The following RORA variants were observed in gnomAD, a reference collection of about 807,000 sequenced individuals.
RORA encodes the protein RAR related orphan receptor A, also known as nuclear receptor ROR-alpha.
RORA carries 7 observed loss-of-function variants against 69.5 expected under a neutral mutation model. The ratio of observed to expected loss-of-function variants is 0.10; its 90% CI spans 0.06 to 0.19. The LOEUF is 0.19. RORA is among the 10% of genes least tolerant of loss of function. The pLI, the probability that RORA is intolerant of heterozygous loss-of-function variation, is 1.00. For missense variants in RORA, 457 were observed against 663.0 expected, an observed-to-expected ratio of 0.69 and a Z score of 3.41; for synonymous variants, 261 against 240.8, an observed-to-expected ratio of 1.08 and a Z score of -0.78.
At chr15:60,548,259 T>A (rs1484323531) in intron 2 of RORA, among the ~76,000 whole-genome samples, 5 of 152,202 alleles carry the variant, frequency 3.3e-5, no homozygotes, top group African/African-American at 9.6e-5. Flanking sequence ...CTCAGTGGTT[T>A]TGATGCTCTT....
intron 1 of RORA, among the ~76,000 whole-genome samples, chr15:60,854,004 C>T (rs925667591): frequency 6.6e-6 from 1 of 152,168 alleles, no homozygotes; most frequent in Non-Finnish European, 1.5e-5. Context: ...TGGCTTACTC[C>T]TGTAATCCCA....
chr15:60,926,695 A>G lies in RORA; in HGVS notation c.167-248009T>C, dbSNP rs1327198739. On this transcript the variant is annotated intron_variant, in intron 1 of 10. Coordinates refer to ENST00000335670, the MANE Select transcript of RORA (RefSeq NM_134261.3). The stretch of plus-strand genomic sequence containing the variant: ...TTTATAAGAGAAAAGCTGGGAACAA[A>G]CTAAATGTCTATTACTACATATCAG... 2.6e-5 allele frequency among the ~76,000 whole-genome samples: 4 copies of G among 152,348 alleles called. No homozygotes were observed. In the East Asian group the frequency reaches 7.7e-4, roughly 29 times the overall value.
chr15:60,920,326 T>A (rs1485913820), intron 1 of RORA, among the ~76,000 whole-genome samples: 1 of 152,238 alleles, frequency 6.6e-6, no homozygotes, highest in African/African-American at 2.4e-5. Context: ...CATCTTTGTC[T>A]TAAAGAAGCA....
intron 4 of RORA, among the ~76,000 whole-genome samples, chr15:60,512,843 GAAAACA>G (rs2065746159): frequency 6.6e-6 from 1 of 152,124 alleles, no homozygotes; most frequent in Non-Finnish European, 1.5e-5. Flanking sequence ...CAAGATAACT[GAAAACA>G]AAAACACACA....
At chr15:60,980,629 T>G (rs751725021) in intron 1 of RORA, among the ~76,000 whole-genome samples, 14 of 152,262 alleles carry the variant, frequency 9.2e-5, no homozygotes, top group Middle Eastern at 3.4e-3. Flanking sequence ...TCTAGGACTT[T>G]GTCCATTTTA....
At chr15:60,692,321 T>G (rs8024410) in intron 1 of RORA, among the ~76,000 whole-genome samples, 4,899 of 152,312 alleles carry the variant, frequency 0.032, 258 homozygotes, top group African/African-American at 0.11. Context: ...CTGTGAATTT[T>G]GGGTCATTCT....
At chr15:60,693,664 G>A (rs2070862122) in intron 1 of RORA, among the ~76,000 whole-genome samples, 1 of 152,096 alleles carries the variant, frequency 6.6e-6, no homozygotes, top group Admixed American at 6.6e-5. Context: ...CAAGCAGAGA[G>A]CCAAATCATG....
At chr15:60,948,635 G>A (rs758093841) in intron 1 of RORA, among the ~76,000 whole-genome samples, 17 of 152,132 alleles carry the variant, frequency 1.1e-4, no homozygotes, top group Non-Finnish European at 2.4e-4. Context: ...TTTTAAAGAT[G>A]AAAAAACTGA....
At chr15:60,721,777 CA>C (rs1202533088) in intron 1 of RORA, among the ~76,000 whole-genome samples, 1 of 152,190 alleles carries the variant, frequency 6.6e-6, no homozygotes, top group Non-Finnish European at 1.5e-5. Context: ...TTTATGAAAA[CA>C]AAAAGTAAAA....
chr15:61,117,602 G>A (rs1291695683), intron 1 of RORA, among the ~76,000 whole-genome samples: 1 of 152,064 alleles, frequency 6.6e-6, no homozygotes, highest in African/African-American at 2.4e-5. Flanking sequence ...CTATAGAATT[G>A]TTTTGACTGC....
At chr15:60,709,506 G>A (rs1171010283) in intron 1 of RORA, among the ~76,000 whole-genome samples, 1 of 152,094 alleles carries the variant, frequency 6.6e-6, no homozygotes, top group African/African-American at 2.4e-5. Context: ...CAGGAGGTGA[G>A]CCGAGGGTGA....
chr15:61,021,141 T>C (rs532881606), intron 1 of RORA, among the ~76,000 whole-genome samples: 1 of 152,250 alleles, frequency 6.6e-6, no homozygotes, highest in East Asian at 1.9e-4. Flanking sequence ...GTTCCAACGC[T>C]GGGGACGGGA....
chr15:60,795,628 A>G (rs577820000), intron 1 of RORA, among the ~76,000 whole-genome samples: 1 of 152,316 alleles, frequency 6.6e-6, no homozygotes, highest in Non-Finnish European at 1.5e-5. Context: ...CACAACTTCA[A>G]ACAGCTTCCT....
At chr15:60,801,370 T>C (rs1229186347) in intron 1 of RORA, among the ~76,000 whole-genome samples, 1 of 152,182 alleles carries the variant, frequency 6.6e-6, no homozygotes, top group Non-Finnish European at 1.5e-5. Context: ...GCTGCCTTCA[T>C]TTGTTTTAAT....
At position 60,711,231 on chromosome 15, in the gene RORA, T is replaced by C. The variant is rs1219236563; in HGVS notation, c.167-32545A>G. 2.0e-5 allele frequency among the ~76,000 whole-genome samples: 3 copies of C among 152,300 alleles called. No individual in the cohort carries two copies. The East Asian group carries it at 5.8e-4, about 29-fold the overall frequency. On this transcript the variant is annotated intron_variant, in intron 1 of 10. Coordinates refer to ENST00000335670, the MANE Select transcript of RORA (RefSeq NM_134261.3). ...GGCTATGTGTATTTCTCACTTTCCC[T>C]GGAACTAGTCACTCATGGACACTCT...
At chr15:60,796,684 A>G (rs1248062467) in intron 1 of RORA, among the ~76,000 whole-genome samples, 3 of 152,196 alleles carry the variant, frequency 2.0e-5, no homozygotes, top group African/African-American at 7.2e-5. Flanking sequence ...ACTCCTAGGT[A>G]TATACCCAAA....
intron 1 of RORA, among the ~76,000 whole-genome samples, chr15:61,144,929 A>T (rs545751311): frequency 6.6e-5 from 10 of 152,276 alleles, no homozygotes; most frequent in South Asian, 6.2e-4. Flanking sequence ...AGTATATTGA[A>T]TTTTTTATTC....
intron 2 of RORA, among the ~76,000 whole-genome samples, chr15:60,606,501 C>A (rs939385192): frequency 6.6e-6 from 1 of 152,094 alleles, no homozygotes; most frequent in Non-Finnish European, 1.5e-5. Flanking sequence ...TTTTCTAGAA[C>A]ATGAAAGACC....
intron 1 of RORA, among the ~76,000 whole-genome samples, chr15:60,814,711 C>A (rs992042849): frequency 6.6e-6 from 1 of 152,282 alleles, no homozygotes; most frequent in African/African-American, 2.4e-5. Flanking sequence ...CCCTCCCCAC[C>A]TTACCTGGCT....
Sources: allele counts gnomAD v4.1 joint callset (sites outside exome capture counted in the v4.1 genomes callset), GRCh38; gene constraint gnomAD v4.1.1; transcripts MANE v1.5; gene names NCBI Gene and HGNC (gene_info 2026-07-23, HGNC 2026-07-21).